Variants in NAA20 observed in about 807,000 individuals in gnomAD.
The protein encoded by NAA20 is N-alpha-acetyltransferase 20, NatB catalytic subunit.
Under a neutral mutation model 23.8 loss-of-function variants are expected in NAA20, and 24 were observed. The ratio of observed to expected loss-of-function variants is 1.01; its 90% confidence interval spans 0.73 to 1.42. The LOEUF is 1.42. Ranked by LOEUF, NAA20 falls within the 40% of genes most tolerant of loss-of-function variation. The pLI is 0.00. For synonymous variants in NAA20, 83 were observed against 77.7 expected (o/e 1.07, Z -0.36); for missense variants, 166 against 223.1 (o/e 0.74, Z 1.63).
At chr20:20,027,776 G>A (rs1053452712) in intron 4 of NAA20, among the ~76,000 whole-genome samples, 16 of 149,076 alleles carry the variant, frequency 1.1e-4, no homozygotes, top group East Asian at 5.8e-4. Flanking sequence ...TTTAAGGGAC[G>A]TGTTGTATAT....
chr20:20,018,712 G>A (rs2043247999), intron 1 of NAA20: 1 of 165,084 alleles, frequency 6.1e-6, no homozygotes, highest in African/African-American at 2.4e-5. Context: ...GGCCAGTCTG[G>A]TAGCTACGGT....
intron 5 of NAA20, among the ~76,000 whole-genome samples, chr20:20,032,865 T>G (rs186676998): frequency 3.5e-4 from 54 of 152,354 alleles, no homozygotes; most frequent in African/African-American, 1.3e-3. Context: ...TGTTTCACTC[T>G]GTTACATACA....
chr20:20,022,680 A>C, intron 2 of NAA20, 200 bp downstream of exon 2: 1 of 491,716 alleles, frequency 2.0e-6, no homozygotes, highest in East Asian at 3.6e-5. Flanking sequence ...AACTGTTAAT[A>C]TCATGACTTG....
intron 5 of NAA20, 23 bp from the exon 6 acceptor site, chr20:20,033,079 T>C (rs746269318): frequency 2.6e-6 from 4 of 1,554,790 alleles, no homozygotes; most frequent in African/African-American, 2.7e-5. Context: ...TGGGTGTTTA[T>C]ATTAAACTTT....
At chr20:20,017,528 G>T (rs950849239) in intron 1 of NAA20, 79 bp downstream of exon 1, 2 of 1,521,634 alleles carry the variant, frequency 1.3e-6, no homozygotes, top group Admixed American at 4.2e-5. Flanking sequence ...CCCCAGCCGC[G>T]CCTTCCCGGC....
chr20:20,028,165 A>C (rs1344467618), intron 4 of NAA20, among the ~76,000 whole-genome samples: 1 of 152,194 alleles, frequency 6.6e-6, no homozygotes, highest in African/African-American at 2.4e-5. Flanking sequence ...TAGACCAAAC[A>C]AAGAAGGGAA....
Position 20,017,386 on chromosome 20 carries a change from G to T in NAA20, c.-11G>T. 2 of 1,611,194 alleles carry T rather than the reference G, an allele frequency of 1.2e-6. No individual in the cohort carries two copies. The highest frequency in any genetic ancestry group is 1.7e-6 in the Non-Finnish European group (2 of 1,179,280). On this transcript the variant is annotated 5_prime_UTR_variant, in exon 1 of 6. Coordinates refer to ENST00000334982, the MANE Select transcript of NAA20 (RefSeq NM_016100.5). ...TCTTGGCGAACGGTCTTCGGAAGCG[G>T]CGGCGGCGCGATGACCACGCTACGG...
chr20:20,032,831 C>G (rs1397086427), intron 5 of NAA20, among the ~76,000 whole-genome samples, 178 bp downstream of exon 5: 2 of 152,068 alleles, frequency 1.3e-5, no homozygotes, highest in Non-Finnish European at 2.9e-5. Flanking sequence ...ATTAACTAAC[C>G]AATGGTTAAT....
At chr20:20,032,701 A>G (rs752954195) in intron 5 of NAA20, 48 bp downstream of exon 5, 1 of 1,523,210 alleles carries the variant, frequency 6.6e-7, no homozygotes, top group Admixed American at 2.2e-5. Flanking sequence ...AAACAGTTAC[A>G]TTCTTTCTAC....
intron 2 of NAA20, among the ~76,000 whole-genome samples, chr20:20,023,791 T>C (rs1433747355): frequency 6.6e-6 from 1 of 152,234 alleles, no homozygotes; most frequent in African/African-American, 2.4e-5. Context: ...GCCAAGATTT[T>C]AAAAAATGAT....
At chr20:20,026,683 TATTA>T in intron 3 of NAA20, 97 bp from the exon 4 acceptor site, 1 of 1,487,736 alleles carries the variant, frequency 6.7e-7, no homozygotes, top group South Asian at 1.3e-5. Flanking sequence ...AAAACTTCTT[TATTA>T]GTTTCCTTTG....
intron 1 of NAA20, among the ~76,000 whole-genome samples, chr20:20,020,848 G>T (rs145983623): frequency 1.3e-5 from 2 of 152,258 alleles, no homozygotes; most frequent in Non-Finnish European, 2.9e-5. Flanking sequence ...GGAGCTGATG[G>T]CTCAGTGCAC....
At chr20:20,023,468 G>C (rs1259302353) in intron 2 of NAA20, among the ~76,000 whole-genome samples, 1 of 152,156 alleles carries the variant, frequency 6.6e-6, no homozygotes, top group Non-Finnish European at 1.5e-5. Flanking sequence ...TGTTACTAAA[G>C]TGAAGGCTTT....
intron 3 of NAA20, among the ~76,000 whole-genome samples, chr20:20,025,994 C>T (rs2043303973): frequency 7.2e-6 from 1 of 138,868 alleles, no homozygotes; most frequent in African/African-American, 2.8e-5. Context: ...ATCTTTCATT[C>T]TAAAAAAAAA....
chr20:20,028,071 G>A (rs1248333029), intron 4 of NAA20, among the ~76,000 whole-genome samples: 3 of 152,174 alleles, frequency 2.0e-5, no homozygotes, highest in African/African-American at 7.2e-5. Flanking sequence ...TAGAGGCAAA[G>A]GAGCTCAAAC....
At chr20:20,024,555 A>G (rs960789059) in intron 2 of NAA20, among the ~76,000 whole-genome samples, 6 of 152,234 alleles carry the variant, frequency 3.9e-5, no homozygotes, top group African/African-American at 1.4e-4. Context: ...TATAGGAAGG[A>G]AGGATTTTAG....
intron 1 of NAA20, 137 bp from the exon 2 acceptor site, chr20:20,022,319 C>T: frequency 1.4e-6 from 1 of 734,628 alleles, no homozygotes; most frequent in Admixed American, 3.3e-5. Flanking sequence ...CTGCCTCAGC[C>T]CTAAAGTTGG....
At chr20:20,027,264 T>C (rs2043312853) in intron 4 of NAA20, among the ~76,000 whole-genome samples, 1 of 152,212 alleles carries the variant, frequency 6.6e-6, no homozygotes, top group African/African-American at 2.4e-5. Flanking sequence ...CTGAATAAAT[T>C]TTTAGCAGTG....
Position 20,033,389 on chromosome 20 carries a change from C to G in NAA20, c.*202C>G, listed in dbSNP as rs1485678975. ...TACCTATTAAAGCTGTTCATTGTAA[C>G]AAAATTCAATCAAAAAGGCAGCTAG... is the stretch of plus-strand genomic sequence containing the variant. On this transcript the variant is annotated 3_prime_UTR_variant, in exon 6 of 6. Coordinates refer to ENST00000334982, the MANE Select transcript of NAA20 (RefSeq NM_016100.5). 3 of 473,018 alleles carry G rather than the reference C, an allele frequency of 6.3e-6. No homozygotes were observed. In the Admixed American group the frequency reaches 1.1e-4, roughly 17 times the overall value. The allele number at this position is 473,018 out of a possible 1,614,324, so 29.3% of individuals were successfully genotyped here.
Sources: gnomAD v4.1 joint callset for allele counts (sites outside exome capture counted in the v4.1 genomes callset) on GRCh38, gnomAD v4.1.1 for gene constraint, MANE v1.5 for transcripts, NCBI Gene and HGNC (gene_info 2026-07-23, HGNC 2026-07-21) for gene names.